Variants in KLF17 observed in about 807,000 individuals in gnomAD.
KLF17 encodes the protein Krueppel-like factor 17.
In KLF17, 31 loss-of-function variants were observed where a neutral mutation model predicts 34.2. The ratio of observed to expected loss-of-function variants is 0.91; its 90% CI spans 0.68 to 1.22. The LOEUF is 1.22. Ranked by LOEUF, KLF17 falls within the 50% of genes most tolerant of loss-of-function variation. The pLI, the probability that KLF17 is intolerant of heterozygous loss-of-function variation, is 0.00. For missense variants in KLF17, 478 were observed against 505.2 expected, an observed-to-expected ratio of 0.95 and a Z score of 0.52; for synonymous variants, 179 against 186.7, an observed-to-expected ratio of 0.96 and a Z score of 0.34.
In KLF17 at chr1:44,134,711, GAGATT is replaced by G. The variant is rs2088149916; in HGVS notation, c.*1483_*1487del. On this transcript the variant is annotated 3_prime_UTR_variant, in exon 4 of 4. Transcript: ENST00000372299. ...AAGTGTTTTCTTTGGCTGCAACATG[GAGATT>G]AGATTAGAGCAAGGATGTAAGGGAG... The G allele has an allele frequency of 6.6e-6, 1 of 152,270 alleles. No homozygotes were observed. Among genetic ancestry groups the G allele is most frequent in the Non-Finnish European group, 1.5e-5 (1 of 68,064 alleles). The allele number at this position is 152,270 out of a possible 1,614,324, so 9.4% of individuals were successfully genotyped here.
the KLF17 span, among the ~76,000 whole-genome samples, chr1:44,100,998 A>G: frequency 2.6e-5 from 4 of 152,346 alleles, no homozygotes; most frequent in African/African-American, 9.6e-5. Flanking sequence ...ATTTAAAAAC[A>G]CAACTACTAC....
At chr1:44,103,740 A>C in the KLF17 span, 1 of 1,311,150 alleles carries the variant, frequency 7.6e-7, no homozygotes, top group Non-Finnish European at 1.1e-6. Flanking sequence ...GGCACCCTTA[A>C]CTGCCAGCTC....
the KLF17 span, among the ~76,000 whole-genome samples, chr1:44,072,455 G>T: frequency 5.3e-5 from 8 of 151,936 alleles, no homozygotes; most frequent in African/African-American, 1.9e-4. Context: ...CTTTGGGAGG[G>T]GTGAGAGGAT....
At chr1:44,098,549 C>CTTT in the KLF17 span, among the ~76,000 whole-genome samples, 5 of 118,972 alleles carry the variant, frequency 4.2e-5, no homozygotes, top group African/African-American at 6.1e-5. Context: ...ACTCATATTT[C>CTTT]TTTTTTTTTT....
At position 44,129,727 on chromosome 1, in the gene KLF17, G is replaced by C. The variant is rs112819362; in HGVS notation, c.456G>C (p.Arg152Ser). The C allele has an allele frequency of 2.4e-4, 387 of 1,614,126 alleles. 3 individuals are homozygous for C. In the African/African-American group the frequency reaches 4.6e-3, roughly 19 times the overall value. The stretch of plus-strand genomic sequence containing the variant: ...CCAGGCCCTTCGGTGGGAATCTAAG[G>C]ATGCCCCCCAATGGGCTGCCAGTCT... ...RVARPFGGNL[R>S]MPPNGLPVSA... The change falls in exon 2 of 4, where the codon AGG becomes AGC. Residue 152 changes from arginine (R) to serine (S), a missense_variant. By Grantham distance (110) the Arg-to-Ser change is moderately radical. Transcript: ENST00000372299.
At chr1:44,079,417 C>T in the KLF17 span, among the ~76,000 whole-genome samples, 2 of 151,890 alleles carry the variant, frequency 1.3e-5, no homozygotes, top group African/African-American at 2.4e-5. Context: ...CCACCTCAGC[C>T]TCCCAACTAG....
chr1:44,127,651 TTTC>T (rs2088031623), intron 1 of KLF17, among the ~76,000 whole-genome samples: 1 of 56,466 alleles, frequency 1.8e-5, no homozygotes, highest in African/African-American at 7.2e-5. Context: ...TCTTTCTTTC[TTTC>T]TTTCTTTCTT....
At chr1:44,114,586 A>G (rs1208373960), upstream of KLF17, 4 of 152,318 alleles carry the variant, frequency 2.6e-5, no homozygotes, top group Non-Finnish European at 5.9e-5. Context: ...AGGCAGAGAT[A>G]ATACAGGGCC....
chr1:44,085,272 G>A, the KLF17 span, among the ~76,000 whole-genome samples: 1 of 152,136 alleles, frequency 6.6e-6, no homozygotes. Context: ...TAAATTATAT[G>A]TTATGTTAGG....
the KLF17 span, among the ~76,000 whole-genome samples, chr1:44,082,514 G>A: frequency 7.9e-5 from 12 of 152,144 alleles, no homozygotes; most frequent in African/African-American, 1.9e-4. Context: ...ATGTCCCCAG[G>A]CTTCAAAAGC....
chr1:44,126,944 G>T, intron 1 of KLF17, among the ~76,000 whole-genome samples: 1 of 151,958 alleles, frequency 6.6e-6, no homozygotes, highest in East Asian at 1.9e-4. Context: ...CACCCAGGCT[G>T]GACAGCAGTG....
Position 44,131,700 on chromosome 1 carries a change from AATTT to A in KLF17, c.*953_*956del, listed in dbSNP as rs376359813. Among the ~76,000 whole-genome samples, 665 of 152,164 alleles carry A rather than the reference AATTT, an allele frequency of 4.4e-3. 3 individuals carry two copies. The highest frequency in any genetic ancestry group is 0.015 in the African/African-American group (640 of 41,514). On this transcript the variant is annotated intron_variant, in intron 3 of 3. Coordinates refer to ENST00000372299, the MANE Select transcript of KLF17 (RefSeq NM_173484.4). ...GCTAGCAAACTTAGAAGTGTGGGGAAATTTATTTATTTGAGACAGAGTCTTGCTC... is the reference window on the plus strand; with the variant it reads ...GCTAGCAAACTTAGAAGTGTGGGGAAATTTATTTGAGACAGAGTCTTGCTC...
chr1:44,069,512 G>GAGAGAGAGAGAGAGGGA, the KLF17 span, among the ~76,000 whole-genome samples: 2 of 114,548 alleles, frequency 1.7e-5, no homozygotes, highest in African/African-American at 8.1e-5. The surrounding 1 kb of genome is among the most constrained non-coding windows in gnomAD (Gnocchi z 4.7). Context: ...GAGAGAGAGA[G>GAGAGAGAGAGAGAGGGA]AAGACAGGAG....
At chr1:44,092,228 G>C in the KLF17 span, among the ~76,000 whole-genome samples, 1 of 151,980 alleles carries the variant, frequency 6.6e-6, no homozygotes, top group South Asian at 2.1e-4. Flanking sequence ...TGTAATCCCA[G>C]CTACTCGGGA....
the KLF17 span, among the ~76,000 whole-genome samples, chr1:44,111,126 A>T: frequency 6.6e-6 from 1 of 151,934 alleles, no homozygotes; most frequent in Non-Finnish European, 1.5e-5. Flanking sequence ...AGCTGGGACC[A>T]CAGTGCACAC....
At chr1:44,078,484 G>A in the KLF17 span, among the ~76,000 whole-genome samples, 1 of 148,496 alleles carries the variant, frequency 6.7e-6, no homozygotes. Flanking sequence ...CCAGGCTGCA[G>A]TGCAGTGCAG....
Position 44,130,201 on chromosome 1 carries a change from AGGAGGT to A in KLF17, c.925+7_925+12del. On this transcript the variant is annotated splice_donor_region_variant and intron_variant, in intron 2 of 3. Coordinates refer to ENST00000372299, the MANE Select transcript of KLF17 (RefSeq NM_173484.4). ...GCCACCAGCGCAAGCACACAGGTGA[AGGAGGT>A]GTCAGGTGGGGTGGGGATGGAGGAG... 6.9e-6 allele frequency: 11 copies of A among 1,602,086 alleles called. No homozygotes were observed. Among genetic ancestry groups the A allele is most frequent in the Non-Finnish European group, 9.4e-6 (11 of 1,173,508 alleles).
intron 1 of KLF17, 140 bp from the exon 2 acceptor site, chr1:44,129,213 C>T: frequency 4.8e-6 from 5 of 1,033,432 alleles, no homozygotes; most frequent in African/African-American, 1.6e-5. Context: ...AAAGCCCAAG[C>T]TGGGAAATGG....
the KLF17 span, among the ~76,000 whole-genome samples, chr1:44,064,518 C>T: frequency 6.6e-6 from 1 of 152,230 alleles, no homozygotes; most frequent in Admixed American, 6.5e-5. Context: ...TGCTATTCAA[C>T]TATGACTTTG....
Sources: allele counts gnomAD v4.1 joint callset (sites outside exome capture counted in the v4.1 genomes callset), GRCh38; gene constraint gnomAD v4.1.1; non-coding constraint Gnocchi (gnomAD v3.1); transcripts MANE v1.5; gene names NCBI Gene and HGNC (gene_info 2026-07-23, HGNC 2026-07-21).